LRP1: variants seen among roughly 807,000 people sequenced by gnomAD.
The protein encoded by LRP1 is prolow-density lipoprotein receptor-related protein 1.
A neutral mutation model predicts 541.5 loss-of-function variants in LRP1; 51 were observed. The observed-to-expected ratio is 0.09, with a 90% confidence interval of 0.08 to 0.12. The LOEUF (loss-of-function observed/expected upper bound fraction) is 0.12. Ranked by LOEUF, LRP1 falls within the 10% of genes least tolerant of loss-of-function variation. The pLI is 1.00. For synonymous variants in LRP1, 2,219 were observed against 2,470.8 expected (o/e 0.90, Z 3.02); for missense variants, 3,878 against 6,376.2 (o/e 0.61, Z 13.34).
At chr12:57,169,393 C>A in intron 20 of LRP1, 86 bp downstream of exon 20, 1 of 1,301,072 alleles carries the variant, frequency 7.7e-7, no homozygotes, top group Non-Finnish European at 1.0e-6. Context: ...TTCAGACCCA[C>A]GGTGTGTCGG....
rs189886673 is a variant in LRP1 at position 57,193,044 on chromosome 12, T to C, written c.7555+74T>C. 324 of 1,589,004 alleles carry C rather than the reference T, an allele frequency of 2.0e-4. 3 individuals carry two copies. The East Asian group carries it at 6.0e-3, about 30-fold the overall frequency. On this transcript the variant is annotated intron_variant, in intron 45 of 88. Coordinates refer to ENST00000243077, the MANE Select transcript of LRP1 (RefSeq NM_002332.3). ...AGGGATGGTGACCATCTCCCCTACA[T>C]GCTCCAGCCCAGCCCCCCAAAGCCT...
Position 57,212,916 on chromosome 12 carries a change from C to A in LRP1, c.*361C>A. On this transcript the variant is annotated 3_prime_UTR_variant, in exon 89 of 89. Coordinates refer to ENST00000243077, the MANE Select transcript of LRP1 (RefSeq NM_002332.3). This position sits in a 1 kb window ranked among gnomAD's most constrained non-coding sequence, Gnocchi z 5.0. The stretch of plus-strand genomic sequence containing the variant: ...CAAGGCTCTCCCCTCTCGCCCCATC[C>A]CTGCTTGCCCGCTCCCACAGCTTCC... 5.3e-6 allele frequency: 1 copy of A among 188,724 alleles called. No individual in the cohort carries two copies. 11.7% of individuals were successfully genotyped at this position (188,724 alleles called of 1,614,324 possible).
intron 1 of LRP1, among the ~76,000 whole-genome samples, chr12:57,133,914 C>T (rs964240757): frequency 6.6e-6 from 1 of 152,054 alleles, no homozygotes; most frequent in Non-Finnish European, 1.5e-5. Context: ...GGAGAAGACT[C>T]CTTCAGGGTT....
chr12:57,145,366 C>T lies in LRP1; in HGVS notation c.717C>T (p.Asn239=), dbSNP rs541719112. The change falls in exon 6 of 89, where the codon AAC becomes AAT. Residue 239 remains asparagine, a synonymous_variant. Coordinates refer to ENST00000243077, the MANE Select transcript of LRP1 (RefSeq NM_002332.3). Reference sequence around the variant, plus strand: ...CAGCCATGGACTTCAGCTATGCCAACGAGACCGTATGCTGGGTGCATGTTG... The same window carrying T: ...CAGCCATGGACTTCAGCTATGCCAATGAGACCGTATGCTGGGTGCATGTTG... The part of the protein sequence containing the change: ...QTTAMDFSYA[N]ETVCWVHVGD... 20 of 1,614,166 alleles carry T rather than the reference C, an allele frequency of 1.2e-5. No individual in the cohort carries two copies. Among genetic ancestry groups the T allele is most frequent in the African/African-American group, 1.1e-4 (8 of 75,060 alleles).
In LRP1 at chr12:57,184,940, G is replaced by A; in HGVS notation, c.6288G>A (p.Met2096Ile). ...NREVVLSSNN[M>I]DMFSVSVFED... ...AGGTGGTTCTGTCCAGCAACAACAT[G>A]GACATGTTTTCAGTGTCTGTGTTTG... Residue 2096 changes from methionine (M) to isoleucine (I), a missense_variant, in exon 39 of 89, where the codon ATG becomes ATA. Coordinates refer to ENST00000243077, the MANE Select transcript of LRP1 (RefSeq NM_002332.3). The surrounding 1 kb of genome is among the most constrained non-coding windows in gnomAD (Gnocchi z 7.8). 1 of 1,614,168 alleles carries A rather than the reference G, an allele frequency of 6.2e-7. No homozygotes were observed. Among genetic ancestry groups the A allele is most frequent in the South Asian group, 1.1e-5 (1 of 91,084 alleles).
rs1037569367 is a variant in LRP1, at chr12:57,180,431, G to A, written c.5338G>A (p.Asp1780Asn). The A allele has an allele frequency of 1.9e-6, 3 of 1,614,114 alleles. No homozygotes were observed. Among genetic ancestry groups the A allele is most frequent in the Non-Finnish European group, 2.5e-6 (3 of 1,180,040 alleles). Reference protein sequence around the residue: ...NLDGSGLEVIDAMRSQLGKAT... With the variant: ...NLDGSGLEVINAMRSQLGKAT... ...GGATGGGAGTGGGCTGGAGGTCATCGATGCCATGCGGAGCCAGCTGGGCAA... is the reference window on the plus strand; with the variant it reads ...GGATGGGAGTGGGCTGGAGGTCATCAATGCCATGCGGAGCCAGCTGGGCAA... Residue 1780 changes from aspartate (D) to asparagine (N), a missense_variant, in exon 32 of 89, where the codon GAT becomes AAT. Physicochemically the swap from Asp to Asn is conservative, Grantham distance 23 (BLOSUM62 1). Transcript: ENST00000243077.
chr12:57,209,155 G>A lies in LRP1; in HGVS notation c.12218G>A (p.Arg4073Gln), dbSNP rs755714732. The change falls in exon 79 of 89, where the codon CGG (arginine) becomes CAG (glutamine). Residue 4073 changes from arginine (R) to glutamine (Q), a missense_variant. This residue lies in a region of LRP1 where 871 missense variants were observed against 1,212.4 expected (regional missense o/e 0.72). Transcript: ENST00000243077. ...DAKLSVIGSI[R>Q]LNGTDPIVAA... ...AAGCTTTCAGTCATCGGCAGCATCCGGCTCAATGGCACGGACCCCATTGTG... is the reference window on the plus strand; with the variant it reads ...AAGCTTTCAGTCATCGGCAGCATCCAGCTCAATGGCACGGACCCCATTGTG... 1.1e-5 allele frequency: 18 copies of A among 1,614,078 alleles called. No individual in the cohort carries two copies. The highest frequency in any genetic ancestry group is 1.6e-4 in the Middle Eastern group (1 of 6,062).
chr12:57,129,052 C>T (rs183713414), intron 1 of LRP1, 21 bp downstream of exon 1: 1 of 1,551,240 alleles, frequency 6.4e-7, no homozygotes, highest in Non-Finnish European at 8.7e-7. Flanking sequence ...TTCCGCGTCC[C>T]CCTTGGACCC....
In LRP1 at chr12:57,203,456, G is replaced by A. The variant is rs1047869330; in HGVS notation, c.10886G>A (p.Arg3629His). 6 of 1,600,076 alleles carry A rather than the reference G, an allele frequency of 3.7e-6. No homozygotes were observed. The highest frequency in any genetic ancestry group is 1.1e-5 in the South Asian group (1 of 88,982). The change falls in exon 70 of 89, where the codon CGC becomes CAC. Residue 3629 changes from arginine (R) to histidine (H), a missense_variant. Arg to His is a conservative substitution (Grantham distance 29). This residue lies in a region of LRP1 where 278 missense variants were observed against 536.3 expected (regional missense o/e 0.52). Coordinates refer to ENST00000243077, the MANE Select transcript of LRP1 (RefSeq NM_002332.3). ...AAGAGCGGCCACTGCATCCCCCTGC[G>A]CTGGCGCTGTGACGCAGACGCCGAC... ...QCKSGHCIPL[R>H]WRCDADADCM... is the part of the protein sequence containing the mutation.
intron 6 of LRP1, chr12:57,147,355 C>T (rs550593769): frequency 6.6e-6 from 1 of 152,634 alleles, no homozygotes; most frequent in African/African-American, 2.4e-5. Flanking sequence ...CTAGCCCCTC[C>T]CCCAGTTTCT....
chr12:57,172,896 C>T (rs1397430887), intron 20 of LRP1, among the ~76,000 whole-genome samples: 1 of 152,192 alleles, frequency 6.6e-6, no homozygotes, highest in Admixed American at 6.5e-5. Flanking sequence ...CATTTGGGCT[C>T]AGGCCTTAGC....
At position 57,197,744 on chromosome 12, in the gene LRP1, C is replaced by T. The variant is rs749138364; in HGVS notation, c.9282+80C>T. On this transcript the variant is annotated intron_variant, in intron 58 of 88. Coordinates refer to ENST00000243077, the MANE Select transcript of LRP1 (RefSeq NM_002332.3). The surrounding 1 kb of genome is among the most constrained non-coding windows in gnomAD (Gnocchi z 4.5). Reference sequence around the variant, plus strand: ...CAGATCGTCTCTCCTTCCCGCCCCACCAACCCAAATTGCTTCCTTCTCACT... The same window carrying T: ...CAGATCGTCTCTCCTTCCCGCCCCATCAACCCAAATTGCTTCCTTCTCACT... 2.6e-6 allele frequency: 4 copies of T among 1,552,462 alleles called. No individual in the cohort carries two copies. Among genetic ancestry groups the T allele is most frequent in the Non-Finnish European group, 3.5e-6 (4 of 1,146,334 alleles).
chr12:57,187,433 C>T lies in LRP1; in HGVS notation c.7008C>T (p.Ala2336=), dbSNP rs2036292129. The change falls in exon 42 of 89, where the codon GCC becomes GCT. Residue 2336 remains alanine, a synonymous_variant. Transcript: ENST00000243077. ...ITMSGDDHPR[A]FVLDECQNLM... is the part of the protein sequence containing the mutation. ...TGTCTGGAGATGACCACCCACGGGC[C>T]TTCGTTTTGGACGAGTGCCAGAAGT... 1.2e-6 allele frequency: 2 copies of T among 1,613,822 alleles called. No homozygotes were observed. The highest frequency in any genetic ancestry group is 4.5e-5 in the East Asian group (2 of 44,882).
chr12:57,156,057 T>C lies in LRP1; in HGVS notation c.1228-37T>C. ...TCCAGGACAGAGGGAGGAACCCCTG[T>C]CATCTCATGCTGTCCATTCTTGCCT... On this transcript the variant is annotated intron_variant, in intron 8 of 88. Transcript: ENST00000243077. This position sits in a 1 kb window ranked among gnomAD's most constrained non-coding sequence, Gnocchi z 5.2. 3 of 1,581,960 alleles carry C rather than the reference T, an allele frequency of 1.9e-6. No homozygotes were observed. The highest frequency in any genetic ancestry group is 2.6e-6 in the Non-Finnish European group (3 of 1,156,552).
At position 57,206,425 on chromosome 12, in the gene LRP1, T is replaced by C. The variant is rs1338586355; in HGVS notation, c.11591-48T>C. On this transcript the variant is annotated intron_variant, in intron 75 of 88. Transcript: ENST00000243077. This position sits in a 1 kb window ranked among gnomAD's most constrained non-coding sequence, Gnocchi z 4.7. ...GTGAAAGGAGCTGAGCTGGGTGGGG[T>C]GCACACCTGCATCCCACAGCCCCAG... is the stretch of plus-strand genomic sequence containing the variant. 1 of 1,594,924 alleles carries C rather than the reference T, an allele frequency of 6.3e-7. No homozygotes were observed. The highest frequency in any genetic ancestry group is 8.6e-7 in the Non-Finnish European group (1 of 1,167,404).
rs766167564 is a variant in LRP1, at chr12:57,158,645, G to A, written c.1798+7G>A. The A allele has an allele frequency of 1.6e-5, 26 of 1,612,440 alleles. No homozygotes were observed. The East Asian group carries it at 2.5e-4, about 15-fold the overall frequency. On this transcript the variant is annotated splice_region_variant and intron_variant, in intron 11 of 88. Coordinates refer to ENST00000243077, the MANE Select transcript of LRP1 (RefSeq NM_002332.3). The surrounding 1 kb of genome is among the most constrained non-coding windows in gnomAD (Gnocchi z 5.3). ...GAGACCATCCTGAAGGACGGTATGG[G>A]CTCCTAGGGATGTGGCCCATGGGGA...
chr12:57,164,262 A>G (rs1380193024), intron 15 of LRP1, among the ~76,000 whole-genome samples: 2 of 152,226 alleles, frequency 1.3e-5, no homozygotes, highest in Admixed American at 6.5e-5. Context: ...ACCTGTAGAT[A>G]ACCACTGTTA....
Position 57,207,540 on chromosome 12 carries a change from AAAAAG to A in LRP1, c.11860-493_11860-489del, listed in dbSNP as rs1188311815. ...AGCGAGACTCCGTCTCAAAAAAAAAAAAAAGAAAAAGAAAACAAAAGGGCAGTGCG... is the reference window on the plus strand; with the variant it reads ...AGCGAGACTCCGTCTCAAAAAAAAAAAAAAAGAAAACAAAAGGGCAGTGCG... On this transcript the variant is annotated intron_variant, in intron 76 of 88. Transcript: ENST00000243077. 2.6e-5 allele frequency among the ~76,000 whole-genome samples: 4 copies of A among 151,712 alleles called. No homozygotes were observed. In the Middle Eastern group the frequency reaches 0.01, roughly 387 times the overall value.
intron 1 of LRP1, among the ~76,000 whole-genome samples, chr12:57,133,435 G>A (rs2035080247): frequency 6.6e-6 from 1 of 152,030 alleles, no homozygotes; most frequent in Admixed American, 6.5e-5. Context: ...GTCTGTCCAG[G>A]CCGCAAAGCA....
Sources: allele counts gnomAD v4.1 joint callset (sites outside exome capture counted in the v4.1 genomes callset), GRCh38; gene constraint gnomAD v4.1.1; regional missense constraint gnomAD v4.1.1; non-coding constraint Gnocchi (gnomAD v3.1); transcripts MANE v1.5; gene names NCBI Gene and HGNC (gene_info 2026-07-23, HGNC 2026-07-21).